DOCK5: variants seen among roughly 807,000 people sequenced by gnomAD.
DOCK5 encodes the protein dedicator of cytokinesis 5.
In DOCK5, 142 loss-of-function variants were observed where a neutral mutation model predicts 251.8. That is an observed-to-expected ratio of 0.56 (90% CI 0.49 to 0.65). The LOEUF is 0.65. Among genes scored for constraint, DOCK5 ranks in the 30% least tolerant of loss-of-function variants. The pLI is 0.00. For missense variants in DOCK5, 2,111 were observed against 2,312.3 expected (o/e 0.91, Z 1.79); for synonymous variants, 842 against 835.5 (o/e 1.01, Z -0.13).
chr8:25,210,058 G>A lies in DOCK5; in HGVS notation c.43+25107G>A, dbSNP rs1282396996. Among the ~76,000 whole-genome samples, 94 of 28,988 alleles carry A rather than the reference G, an allele frequency of 3.2e-3. 16 individuals carry two copies. The highest frequency in any genetic ancestry group is 6.0e-3 in the African/African-American group (59 of 9,846). 19.0% of individuals were successfully genotyped at this position (28,988 alleles called of 152,430 possible). A position where few individuals can be genotyped will look rare whatever the true frequency, so the allele number is the denominator to read the frequency against. On this transcript the variant is annotated intron_variant, in intron 1 of 51. Transcript: ENST00000276440. ...TAAATGTGTGTGTGTGTGTGTGTGT[G>A]TGTGTGTGTGTATCTGTCTATTTAT...
intron 6 of DOCK5, among the ~76,000 whole-genome samples, chr8:25,295,285 T>TC (rs1804590352): frequency 6.6e-6 from 1 of 151,872 alleles, no homozygotes; most frequent in African/African-American, 2.4e-5. Flanking sequence ...CAATTTTTTT[T>TC]TTTTTAATTA....
At chr8:25,303,350 G>A (rs1036520074) in intron 10 of DOCK5, among the ~76,000 whole-genome samples, 8 of 152,128 alleles carry the variant, frequency 5.3e-5, no homozygotes, top group Admixed American at 3.3e-4. Context: ...CTGGGTCTGC[G>A]TATTGATTTT....
chr8:25,361,490 C>T (rs777262493), intron 28 of DOCK5, among the ~76,000 whole-genome samples: 3 of 152,016 alleles, frequency 2.0e-5, no homozygotes, highest in East Asian at 1.9e-4. Context: ...GGCAGACACC[C>T]GTAATCCCAG....
At chr8:25,347,952 T>G (rs1440213350) in intron 26 of DOCK5, among the ~76,000 whole-genome samples, 3 of 152,230 alleles carry the variant, frequency 2.0e-5, no homozygotes, top group Admixed American at 6.5e-5. Flanking sequence ...CAAGGAGATT[T>G]AAGTTAGCTT....
chr8:25,204,720 T>A (rs1488503375), intron 1 of DOCK5, among the ~76,000 whole-genome samples: 2 of 152,218 alleles, frequency 1.3e-5, no homozygotes, highest in Non-Finnish European at 2.9e-5. Context: ...GCGGCTTTCA[T>A]ATACTCTTCA....
In DOCK5 at chr8:25,390,071, G is replaced by A. The variant is rs1000798; in HGVS notation, c.4274-135G>A. On this transcript the variant is annotated intron_variant, in intron 41 of 51. Coordinates refer to ENST00000276440, the MANE Select transcript of DOCK5 (RefSeq NM_024940.8). ...ACAAAGGAACTCCCATTTTCAGTGT[G>A]GTCCTGGCATTGGGGTCAAAGGGAG... 9.4e-5 allele frequency: 54 copies of A among 572,398 alleles called. No homozygotes were observed. In the East Asian group the frequency reaches 1.6e-3, roughly 17 times the overall value. 35.5% of individuals were successfully genotyped at this position (572,398 alleles called of 1,614,324 possible). A position where few individuals can be genotyped will look rare whatever the true frequency, so the allele number is the denominator to read the frequency against.
intron 49 of DOCK5, among the ~76,000 whole-genome samples, chr8:25,408,488 C>G (rs889993368): frequency 3.3e-5 from 5 of 152,070 alleles, no homozygotes; most frequent in African/African-American, 1.2e-4. Flanking sequence ...GGTACTTTTC[C>G]TTCCATATCA....
At chr8:25,236,893 C>T (rs1802814608) in intron 1 of DOCK5, among the ~76,000 whole-genome samples, 1 of 152,166 alleles carries the variant, frequency 6.6e-6, no homozygotes, top group Admixed American at 6.5e-5. Context: ...GCCACTGCGC[C>T]TGGCCATAGT....
intron 6 of DOCK5, among the ~76,000 whole-genome samples, chr8:25,292,829 AC>A (rs1804528869): frequency 6.6e-6 from 1 of 152,148 alleles, no homozygotes; most frequent in Admixed American, 6.5e-5. Context: ...TTTTATTCTA[AC>A]AGTGGATTCC....
intron 1 of DOCK5, among the ~76,000 whole-genome samples, chr8:25,202,830 A>G (rs775565419): frequency 2.6e-5 from 4 of 152,218 alleles, no homozygotes; most frequent in Non-Finnish European, 5.9e-5. Context: ...GCCATGATTA[A>G]GTAAAATAAG....
chr8:25,254,639 G>C (rs980162289), intron 2 of DOCK5, among the ~76,000 whole-genome samples: 2 of 151,652 alleles, frequency 1.3e-5, no homozygotes, highest in Admixed American at 6.6e-5. Flanking sequence ...GCCGGGCGTG[G>C]TGGTGGCCAG....
chr8:25,326,953 C>T (rs1056629675), intron 18 of DOCK5, among the ~76,000 whole-genome samples: 2 of 152,184 alleles, frequency 1.3e-5, no homozygotes, highest in African/African-American at 4.8e-5. Context: ...ACACTATATA[C>T]AGTATGATCC....
intron 9 of DOCK5, 63 bp downstream of exon 9, chr8:25,300,720 A>G: frequency 1.4e-6 from 2 of 1,458,712 alleles, no homozygotes; most frequent in Non-Finnish European, 1.9e-6. Flanking sequence ...TCACATAATG[A>G]ATATGTGGAA....
At position 25,411,409 on chromosome 8, in the gene DOCK5, T is replaced by G. The variant is rs1801630262; in HGVS notation, c.*111T>G. On this transcript the variant is annotated 3_prime_UTR_variant, in exon 52 of 52. Coordinates refer to ENST00000276440, the MANE Select transcript of DOCK5 (RefSeq NM_024940.8). ...GCTCCCTGCTGACTGCATTTCCTGA[T>G]CTGGGATGATGTTTACCAGCCCAAA... 7.7e-7 allele frequency: 1 copy of G among 1,305,798 alleles called. No individual in the cohort carries two copies. The highest frequency in any genetic ancestry group is 9.8e-7 in the Non-Finnish European group (1 of 1,017,628). 80.9% of individuals were successfully genotyped at this position (1,305,798 alleles called of 1,614,324 possible).
At chr8:25,403,385 A>G (rs953177136) in intron 47 of DOCK5, among the ~76,000 whole-genome samples, 173 bp from the exon 48 acceptor site, 8 of 152,158 alleles carry the variant, frequency 5.3e-5, no homozygotes, top group African/African-American at 1.7e-4. Flanking sequence ...GTATCAGTAC[A>G]TGCAATATTT....
At chr8:25,284,126 A>C (rs894902558) in intron 5 of DOCK5, among the ~76,000 whole-genome samples, 6 of 152,248 alleles carry the variant, frequency 3.9e-5, no homozygotes, top group South Asian at 4.1e-4. Flanking sequence ...GCAGAAGGCT[A>C]CTAGCTGATC....
At chr8:25,200,603 A>T (rs953280040) in intron 1 of DOCK5, among the ~76,000 whole-genome samples, 1 of 152,218 alleles carries the variant, frequency 6.6e-6, no homozygotes, top group Admixed American at 6.5e-5. Context: ...TTCCAGCTGT[A>T]TGAAAGATAA....
At position 25,391,872 on chromosome 8, in the gene DOCK5, C is replaced by A. The variant is rs766828200; in HGVS notation, c.4356-24C>A. On this transcript the variant is annotated intron_variant, in intron 42 of 51. Transcript: ENST00000276440. ...GTGGTTGTTCTAAGAGAGAAAAATACAGCATTGCTTTGTCCTTCTCCAGCT... is the reference window on the plus strand; with the variant it reads ...GTGGTTGTTCTAAGAGAGAAAAATAAAGCATTGCTTTGTCCTTCTCCAGCT... The A allele has an allele frequency of 1.9e-6, 3 of 1,608,430 alleles. No homozygotes were observed. The South Asian group carries it at 3.3e-5, about 18-fold the overall frequency.
chr8:25,185,483 G>A (rs1801409841), intron 1 of DOCK5, among the ~76,000 whole-genome samples: 2 of 152,318 alleles, frequency 1.3e-5, no homozygotes, highest in East Asian at 1.9e-4. Flanking sequence ...CTTGATGACA[G>A]TTGTGAGCTG....
Sources: gnomAD v4.1 joint callset for allele counts (sites outside exome capture counted in the v4.1 genomes callset) on GRCh38, gnomAD v4.1.1 for gene constraint, MANE v1.5 for transcripts, NCBI Gene and HGNC (gene_info 2026-07-23, HGNC 2026-07-21) for gene names.